The following ATP8B3 variants were observed in gnomAD, a reference collection of about 807,000 sequenced individuals.
ATP8B3 encodes the protein ATPase phospholipid transporting 8B3.
A neutral mutation model predicts 140.9 loss-of-function variants in ATP8B3; 141 were observed. The ratio of observed to expected loss-of-function variants is 1.00; its 90% CI spans 0.87 to 1.15. The LOEUF (loss-of-function observed/expected upper bound fraction) is 1.15. Among genes scored for constraint, ATP8B3 ranks in the 50% most tolerant of loss-of-function variants. The pLI is 0.00. For synonymous variants in ATP8B3, 765 were observed against 714.6 expected (o/e 1.07, Z -1.13); for missense variants, 1,874 against 1,740.6 (o/e 1.08, Z -1.36).
chr19:1,806,425 C>T lies in ATP8B3; in HGVS notation c.677+203G>A, dbSNP rs2069022158. ...CTCCCCATCGCCCGAGCCCTAAGCT[C>T]TGCAAGGGTTCGCCATCAGGGCCTC... On this transcript the variant is annotated intron_variant, in intron 7 of 28. Coordinates refer to ENST00000310127, the MANE Select transcript of ATP8B3 (RefSeq NM_138813.4). This position sits in a 1 kb window ranked among gnomAD's most constrained non-coding sequence, Gnocchi z 5.6. 2 of 1,449,340 alleles carry T rather than the reference C, an allele frequency of 1.4e-6. No individual in the cohort carries two copies. The highest frequency in any genetic ancestry group is 5.3e-5 in the Admixed American group (2 of 37,982). The allele number at this position is 1,449,340 out of a possible 1,614,324, so 89.8% of individuals were successfully genotyped here.
At position 1,805,371 on chromosome 19, in the gene ATP8B3, C is replaced by T; in HGVS notation, c.904+3G>A. On this transcript the variant is annotated splice_donor_region_variant and intron_variant, in intron 10 of 28. Coordinates refer to ENST00000310127, the MANE Select transcript of ATP8B3 (RefSeq NM_138813.4). The surrounding 1 kb of genome is among the most constrained non-coding windows in gnomAD (Gnocchi z 5.2). ...ACGTGACTCCCTGCTCAACGCCTCT[C>T]ACCTTGAAAGGACGCCATCTTCTTT... 6.4e-7 allele frequency: 1 copy of T among 1,561,384 alleles called. No individual in the cohort carries two copies. The highest frequency in any genetic ancestry group is 8.7e-7 in the Non-Finnish European group (1 of 1,150,530).
chr19:1,797,733 C>G (rs2068726266), intron 14 of ATP8B3, among the ~76,000 whole-genome samples: 2 of 151,892 alleles, frequency 1.3e-5, no homozygotes, highest in South Asian at 4.2e-4. Flanking sequence ...CTCCTGACCT[C>G]CAGTGATCCG....
intron 20 of ATP8B3, among the ~76,000 whole-genome samples, chr19:1,791,194 G>A (rs2068499164): frequency 6.6e-6 from 1 of 152,012 alleles, no homozygotes; most frequent in Non-Finnish European, 1.5e-5. Context: ...GCTCCTGGCC[G>A]ACAGAGGGCA....
Position 1,784,913 on chromosome 19 carries a change from A to G in ATP8B3, c.3566T>C (p.Ile1189Thr), listed in dbSNP as rs1204830805. Residue 1189 changes from isoleucine to threonine, a missense_variant, in exon 28 of 29, where the codon ATC (isoleucine) becomes ACC (threonine). By Grantham distance (89) the Ile-to-Thr change is moderately conservative (BLOSUM62 -1). Coordinates refer to ENST00000310127, the MANE Select transcript of ATP8B3 (RefSeq NM_138813.4). ...CACACTCAGCAGGACCACCAGCAGG[A>G]TGGAGGGAGAGGACATCACGCTGAG... is the stretch of plus-strand genomic sequence containing the variant. ...ADLSVMSSPS[I>T]LLVVLLSVSI... is the part of the protein sequence containing the mutation. The G allele has an allele frequency of 1.9e-6, 3 of 1,612,860 alleles. No homozygotes were observed. The highest frequency in any genetic ancestry group is 2.2e-5 in the South Asian group (2 of 90,998).
intron 14 of ATP8B3, 45 bp from the exon 15 acceptor site, chr19:1,797,050 C>A (rs753202971): frequency 6.2e-7 from 1 of 1,612,138 alleles, no homozygotes; most frequent in Non-Finnish European, 8.5e-7. Flanking sequence ...ACAGGCCCCC[C>A]ATTCGGGATC....
At chr19:1,792,277 G>T in intron 18 of ATP8B3, 142 bp from the exon 19 acceptor site, 1 of 1,026,442 alleles carries the variant, frequency 9.7e-7, no homozygotes, top group Admixed American at 3.0e-5. Flanking sequence ...CAGCCAGAAG[G>T]GATTCAGAAA....
intron 28 of ATP8B3, among the ~76,000 whole-genome samples, chr19:1,784,423 G>A (rs1171848956): frequency 6.6e-6 from 1 of 152,190 alleles, no homozygotes; most frequent in Admixed American, 6.5e-5. Flanking sequence ...GCTGAGGTGG[G>A]AGGATCCTTT....
At chr19:1,784,975 C>G (rs2068256804) in intron 27 of ATP8B3, 29 bp from the exon 28 acceptor site, 7 of 1,588,432 alleles carry the variant, frequency 4.4e-6, no homozygotes, top group Non-Finnish European at 5.1e-6. Flanking sequence ...CACAGCAGAG[C>G]CTACCCCCAG....
intron 23 of ATP8B3, 56 bp downstream of exon 23, chr19:1,789,305 C>CCCACTCGTCCCAGGCACCCCCAGCACT: frequency 7.0e-7 from 1 of 1,438,326 alleles, no homozygotes; most frequent in Non-Finnish European, 9.1e-7. Flanking sequence ...ACCACCGCCT[C>CCCACTCGTCCCAGGCACCCCCAGCACT]CGTCAGCCGC....
rs906583627 is a variant in ATP8B3 at position 1,806,393 on chromosome 19, C to T, written c.678-224G>A. ...TGCACCCACGTCCTCTTCAGACTTTCCTTGTCCTCCCCATCGCCCGAGCCC... is the reference window on the plus strand; with the variant it reads ...TGCACCCACGTCCTCTTCAGACTTTTCTTGTCCTCCCCATCGCCCGAGCCC... On this transcript the variant is annotated intron_variant, in intron 7 of 28. Coordinates refer to ENST00000310127, the MANE Select transcript of ATP8B3 (RefSeq NM_138813.4). The surrounding 1 kb of genome is among the most constrained non-coding windows in gnomAD (Gnocchi z 5.6). 13 of 1,443,494 alleles carry T rather than the reference C, an allele frequency of 9.0e-6. No individual in the cohort carries two copies. Among genetic ancestry groups the T allele is most frequent in the Non-Finnish European group, 1.2e-5 (13 of 1,105,004 alleles). 89.4% of individuals were successfully genotyped at this position (1,443,494 alleles called of 1,614,324 possible). A position where few individuals can be genotyped will look rare whatever the true frequency, so the allele number is the denominator to read the frequency against.
chr19:1,810,948 G>A (rs1181684043), intron 2 of ATP8B3, among the ~76,000 whole-genome samples: 8 of 152,076 alleles, frequency 5.3e-5, no homozygotes, highest in South Asian at 2.1e-4. Context: ...CACCCTGGTC[G>A]CCTCCCGCCA....
rs374069577 is a variant in ATP8B3, at chr19:1,806,695, C to A, written c.616-6G>T. 2 of 1,559,874 alleles carry A rather than the reference C, an allele frequency of 1.3e-6. No individual in the cohort carries two copies. Among genetic ancestry groups the A allele is most frequent in the Non-Finnish European group, 8.7e-7 (1 of 1,152,374 alleles). On this transcript the variant is annotated splice_region_variant and splice_polypyrimidine_tract_variant and intron_variant, in intron 6 of 28. Coordinates refer to ENST00000310127, the MANE Select transcript of ATP8B3 (RefSeq NM_138813.4). The surrounding 1 kb of genome is among the most constrained non-coding windows in gnomAD (Gnocchi z 5.6). ...CTGTCACTCTTGTGTCTCCCCTGGG[C>A]CAGGAGGGAAAGGATCAGAGAGACC...
Position 1,796,266 on chromosome 19 carries a change from C to T in ATP8B3, c.1754-1G>A. 6.2e-7 allele frequency: 1 copy of T among 1,605,982 alleles called. No individual in the cohort carries two copies. Among genetic ancestry groups the T allele is most frequent in the Non-Finnish European group, 8.5e-7 (1 of 1,177,524 alleles). On this transcript the variant is annotated splice_acceptor_variant, in intron 16 of 28. Transcript: ENST00000310127. LOFTEE classifies it high-confidence loss of function. Reference sequence around the variant, plus strand: ...GAGGCCGCCTGGTACAACAGCTGGTCTGGTAGGGAGGGGGGCCATTTTGGG... The same window carrying T: ...GAGGCCGCCTGGTACAACAGCTGGTTTGGTAGGGAGGGGGGCCATTTTGGG...
rs1002622274 is a variant in ATP8B3 at position 1,807,228 on chromosome 19, G to A, written c.555C>T (p.Leu185=). 11 of 1,612,928 alleles carry A rather than the reference G, an allele frequency of 6.8e-6. No homozygotes were observed. The highest frequency in any genetic ancestry group is 1.3e-5 in the African/African-American group (1 of 74,948). The change falls in exon 6 of 29, where the codon CTC becomes CTT. Residue 185 remains leucine, a synonymous_variant. Transcript: ENST00000310127. The surrounding 1 kb of genome is among the most constrained non-coding windows in gnomAD (Gnocchi z 5.9). ...PDISTLPWFS[L]STPMVCLLFI... ...AGAGGAGGCAGACCATAGGGGTACT[G>A]AGCGAGAACCAGGGCAGCGTGGAGA...
rs994331417 is a variant in ATP8B3, at chr19:1,783,583, C to A, written c.3661-313G>T. On this transcript the variant is annotated intron_variant, in intron 28 of 28. Coordinates refer to ENST00000310127, the MANE Select transcript of ATP8B3 (RefSeq NM_138813.4). The stretch of plus-strand genomic sequence containing the variant: ...ATCAGAGTCCTTCCCTGGGACTTAA[C>A]CCTGGCTCAGCCAATCAGAGTCCTT... 1.3e-4 allele frequency among the ~76,000 whole-genome samples: 20 copies of A among 152,344 alleles called. No individual in the cohort carries two copies. The South Asian group carries it at 3.9e-3, about 30-fold the overall frequency.
rs755033229 is a variant in ATP8B3, at chr19:1,789,363, T to C, written c.2843A>G (p.Lys948Arg). The stretch of plus-strand genomic sequence containing the variant: ...CCAGCCCCGCCGCCGCCACCCACTC[T>C]TGATCATGTTGATGTCGTTGGCACC... ...GDGANDINMIKTADVGVGLAG... is the reference protein window; with the variant it reads ...GDGANDINMIRTADVGVGLAG... The change falls in exon 23 of 29, where the codon AAG becomes AGG. Residue 948 changes from lysine to arginine, a missense_variant and splice_region_variant. By Grantham distance (26) the Lys-to-Arg change is conservative. Transcript: ENST00000310127. 6.6e-6 allele frequency: 10 copies of C among 1,516,372 alleles called. No homozygotes were observed. Among genetic ancestry groups the C allele is most frequent in the South Asian group, 3.5e-5 (3 of 84,710 alleles). The allele number at this position is 1,516,372 out of a possible 1,614,324, so 93.9% of individuals were successfully genotyped here. A position where few individuals can be genotyped will look rare whatever the true frequency, so the allele number is the denominator to read the frequency against.
chr19:1,785,576 TGAA>T lies in ATP8B3; in HGVS notation c.3283_3285del (p.Phe1095del). Reference sequence around the variant, plus strand: ...GTGTCGCGGCTGATCCACAGTGTCATGAAGAAGTTGACCAGAGAGGTGGTCACA... The same window carrying T: ...GTGTCGCGGCTGATCCACAGTGTCATGAAGTTGACCAGAGAGGTGGTCACA... On this transcript the variant is annotated inframe_deletion, in exon 26 of 29. Coordinates refer to ENST00000310127, the MANE Select transcript of ATP8B3 (RefSeq NM_138813.4). 6.2e-7 allele frequency: 1 copy of T among 1,613,104 alleles called. No homozygotes were observed.
At position 1,785,528 on chromosome 19, in the gene ATP8B3, C is replaced by A; in HGVS notation, c.3334G>T (p.Asp1112Tyr). 5.0e-6 allele frequency: 8 copies of A among 1,613,060 alleles called. No homozygotes were observed. The highest frequency in any genetic ancestry group is 1.3e-5 in the African/African-American group (1 of 75,064). Residue 1112 changes from aspartate (D) to tyrosine (Y), a missense_variant, in exon 26 of 29, where the codon GAC (aspartate) becomes TAC (tyrosine). Physicochemically the swap from Asp to Tyr is radical, Grantham distance 160 (BLOSUM62 -3). Transcript: ENST00000310127. The part of the protein sequence containing the change: ...RDTAGPASFS[D>Y]HQSFAVVVAL... ...ACCACGACCGCAAAGGACTGGTGGT[C>A]GCTGAAGCTGGCGGGTCCCGCCGTG...
At chr19:1,783,433 T>C (rs1044230388) in intron 28 of ATP8B3, among the ~76,000 whole-genome samples, 163 bp from the exon 29 acceptor site, 89 of 152,156 alleles carry the variant, frequency 5.8e-4, no homozygotes, top group Admixed American at 5.6e-3. Flanking sequence ...CGACTCTCAG[T>C]GTTGAGTTCT....
Sources: gnomAD v4.1 joint callset for allele counts (sites outside exome capture counted in the v4.1 genomes callset) on GRCh38, gnomAD v4.1.1 for gene constraint, Gnocchi (gnomAD v3.1) non-coding constraint, MANE v1.5 for transcripts, NCBI Gene and HGNC (gene_info 2026-07-23, HGNC 2026-07-21) for gene names.